The following CLASP2 variants were observed in gnomAD, a reference collection of about 807,000 sequenced individuals.
CLASP2 encodes cytoplasmic linker associated protein 2, also known as CLIP-associating protein 2.
A neutral mutation model predicts 194.4 loss-of-function variants in CLASP2; 47 were observed. That is an observed-to-expected ratio of 0.24 (90% CI 0.19 to 0.31). The LOEUF (loss-of-function observed/expected upper bound fraction) is 0.31, where lower values mean the gene tolerates loss of function less well. CLASP2 is among the 10% of genes least tolerant of loss of function. The pLI is 1.00. For synonymous variants in CLASP2, 619 were observed against 633.5 expected (o/e 0.98, Z 0.34); for missense variants, 1,445 against 1,823.6 (o/e 0.79, Z 3.78).
At chr3:33,692,944 T>C (rs2091508562) in intron 2 of CLASP2, among the ~76,000 whole-genome samples, 2 of 152,060 alleles carry the variant, frequency 1.3e-5, no homozygotes, top group South Asian at 4.1e-4. Flanking sequence ...GATAACCGGG[T>C]AGCCTAATTA....
rs113170688 is a variant in CLASP2 at position 33,683,600 on chromosome 3, C to A, written c.644+759G>T. On this transcript the variant is annotated intron_variant, in intron 6 of 38. Coordinates refer to ENST00000682230, the MANE Select transcript of CLASP2 (RefSeq NM_001365631.1). The stretch of plus-strand genomic sequence containing the variant: ...TGCAGCCTAGGCAACAGAGCCAGAC[C>A]CTGTCTCAAAAACAAACAAAACAAA... 7.3e-3 allele frequency: 1,108 copies of A among 152,082 alleles called. 11 individuals carry two copies. Among genetic ancestry groups the A allele is most frequent in the African/African-American group, 0.025 (1,047 of 41,372 alleles). The allele number at this position is 152,082 out of a possible 1,614,324, so 9.4% of individuals were successfully genotyped here. A position where few individuals can be genotyped will look rare whatever the true frequency, so the allele number is the denominator to read the frequency against.
chr3:33,553,614 G>C (rs1299109758), intron 29 of CLASP2, among the ~76,000 whole-genome samples: 3 of 152,290 alleles, frequency 2.0e-5, no homozygotes, highest in Non-Finnish European at 4.4e-5. Context: ...ATCAATATCA[G>C]TATTCATCAG....
intron 1 of CLASP2, among the ~76,000 whole-genome samples, chr3:33,703,175 G>C (rs1350171253): frequency 4.6e-5 from 7 of 152,110 alleles, no homozygotes; most frequent in African/African-American, 1.7e-4. Context: ...ACAAACCACA[G>C]ACTGGGGGAA....
intron 36 of CLASP2, among the ~76,000 whole-genome samples, chr3:33,515,299 T>A (rs972492547): frequency 6.6e-6 from 1 of 152,156 alleles, no homozygotes; most frequent in Admixed American, 6.5e-5. Context: ...ATGTCACTGG[T>A]GAAGAAGGGG....
At chr3:33,697,571 T>C (rs979099813) in intron 1 of CLASP2, among the ~76,000 whole-genome samples, 1 of 152,214 alleles carries the variant, frequency 6.6e-6, no homozygotes, top group Admixed American at 6.5e-5. Context: ...TTGACCACAA[T>C]GTTGTTATGT....
At chr3:33,533,479 T>A (rs1206746606) in intron 34 of CLASP2, among the ~76,000 whole-genome samples, 3 of 152,224 alleles carry the variant, frequency 2.0e-5, no homozygotes, top group South Asian at 2.1e-4. Flanking sequence ...ATAAAAATTT[T>A]AAAAATTTAA....
chr3:33,682,044 C>T (rs1335208051), intron 6 of CLASP2, among the ~76,000 whole-genome samples: 3 of 145,206 alleles, frequency 2.1e-5, no homozygotes, highest in African/African-American at 7.4e-5. Context: ...GTGAGAGGCC[C>T]TCACCAGAAG....
At chr3:33,529,993 A>AT (rs1559880980) in intron 34 of CLASP2, among the ~76,000 whole-genome samples, 6 of 147,722 alleles carry the variant, frequency 4.1e-5, no homozygotes, top group African/African-American at 1.6e-4. Flanking sequence ...TCAAAAAAAA[A>AT]AAAAAAAAAA....
At chr3:33,657,512 G>C (rs1219223424) in intron 7 of CLASP2, among the ~76,000 whole-genome samples, 3 of 149,272 alleles carry the variant, frequency 2.0e-5, no homozygotes, top group African/African-American at 7.5e-5. Flanking sequence ...AACCTAAAAT[G>C]TTTAAGAAAT....
chr3:33,667,364 G>A (rs947563499), intron 6 of CLASP2, among the ~76,000 whole-genome samples: 3 of 130,074 alleles, frequency 2.3e-5, no homozygotes, highest in Non-Finnish European at 3.1e-5. Flanking sequence ...AGCCGAGATC[G>A]TGTCACTGCA....
intron 2 of CLASP2, among the ~76,000 whole-genome samples, chr3:33,691,067 C>G (rs1489811620): frequency 6.6e-6 from 1 of 152,088 alleles, no homozygotes; most frequent in African/African-American, 2.4e-5. Flanking sequence ...GGAGGCAGAG[C>G]TCAGGTGGTA....
chr3:33,667,425 A>AAAAAAAAAAAAAAC (rs2086393517), intron 6 of CLASP2, among the ~76,000 whole-genome samples: 1 of 151,056 alleles, frequency 6.6e-6, no homozygotes, highest in Non-Finnish European at 1.5e-5. Context: ...AAAAAAAAAA[A>AAAAAAAAAAAAAAC]AAAGACATTT....
At chr3:33,609,604 C>G (rs979569388) in intron 13 of CLASP2, among the ~76,000 whole-genome samples, 1 of 152,172 alleles carries the variant, frequency 6.6e-6, no homozygotes, top group East Asian at 1.9e-4. Flanking sequence ...TTCCCTTAAA[C>G]AGATGCTCAC....
At chr3:33,532,896 G>T (rs2056623485) in intron 34 of CLASP2, among the ~76,000 whole-genome samples, 1 of 152,124 alleles carries the variant, frequency 6.6e-6, no homozygotes. Flanking sequence ...TTATGCAGGA[G>T]AATGTCTTTG....
chr3:33,611,407 A>G (rs1331716428), intron 13 of CLASP2, among the ~76,000 whole-genome samples: 2 of 152,182 alleles, frequency 1.3e-5, no homozygotes, highest in Non-Finnish European at 2.9e-5. Flanking sequence ...ATACCACTGT[A>G]ATCCTCATTC....
At chr3:33,579,938 A>G (rs1481755916) in intron 23 of CLASP2, among the ~76,000 whole-genome samples, 1 of 152,202 alleles carries the variant, frequency 6.6e-6, no homozygotes, top group African/African-American at 2.4e-5. Flanking sequence ...TTAAATGTAT[A>G]TCCATGAGGA....
chr3:33,597,478 G>A (rs1262265459), intron 18 of CLASP2, among the ~76,000 whole-genome samples: 1 of 152,198 alleles, frequency 6.6e-6, no homozygotes, highest in African/African-American at 2.4e-5. Flanking sequence ...AAGTGTGTGT[G>A]CAGAAGTTGT....
intron 7 of CLASP2, among the ~76,000 whole-genome samples, chr3:33,659,937 A>C (rs914647953): frequency 2.0e-5 from 3 of 152,268 alleles, no homozygotes; most frequent in African/African-American, 7.2e-5. Context: ...CCAAATATTA[A>C]GGTAATTTCA....
chr3:33,680,596 C>A (rs965874093), intron 6 of CLASP2, among the ~76,000 whole-genome samples: 8 of 152,038 alleles, frequency 5.3e-5, no homozygotes, highest in African/African-American at 1.9e-4. Context: ...ACTGCTTGAG[C>A]CCAGAAGTTA....
Sources: gnomAD v4.1 joint callset for allele counts (sites outside exome capture counted in the v4.1 genomes callset) on GRCh38, gnomAD v4.1.1 for gene constraint, MANE v1.5 for transcripts, NCBI Gene and HGNC (gene_info 2026-07-23, HGNC 2026-07-21) for gene names.